Variants in SUFU observed in about 807,000 individuals in gnomAD.
SUFU encodes the protein suppressor of fused homolog.
Under a neutral mutation model 58.9 loss-of-function variants are expected in SUFU, and 7 were observed. The observed-to-expected ratio is 0.12, with a 90% CI of 0.07 to 0.22. The LOEUF is 0.22. SUFU is among the 10% of genes least tolerant of loss of function. The pLI is 1.00. For synonymous variants in SUFU, 232 were observed against 254.8 expected, an observed-to-expected ratio of 0.91 and a Z score of 0.85; for missense variants, 451 against 641.3, an observed-to-expected ratio of 0.70 and a Z score of 3.20.
intron 3 of SUFU, among the ~76,000 whole-genome samples, chr10:102,568,142 G>A (rs2063111909): frequency 6.6e-6 from 1 of 151,132 alleles, no homozygotes; most frequent in African/African-American, 2.4e-5. Context: ...AAAAAATCCA[G>A]GCAACACTGA....
chr10:102,608,426 A>G (rs2063585539), intron 8 of SUFU, among the ~76,000 whole-genome samples: 1 of 152,226 alleles, frequency 6.6e-6, no homozygotes, highest in Admixed American at 6.5e-5. Context: ...AGAAAGGATG[A>G]TGTGTGCCAG....
chr10:102,576,084 G>A (rs1229786030), intron 3 of SUFU, among the ~76,000 whole-genome samples: 1 of 151,192 alleles, frequency 6.6e-6, no homozygotes, highest in Non-Finnish European at 1.5e-5. Context: ...GGACTGAAGT[G>A]ATCCACCCAC....
intron 7 of SUFU, 22 bp downstream of exon 7, chr10:102,597,315 T>C (rs2063473800): frequency 6.2e-7 from 1 of 1,607,674 alleles, no homozygotes; most frequent in East Asian, 2.2e-5. Flanking sequence ...CACTCAGCAT[T>C]CCACCAGCCT....
intron 3 of SUFU, among the ~76,000 whole-genome samples, chr10:102,568,945 T>TATATATATAC (rs1590039352): frequency 2.7e-5 from 2 of 74,662 alleles, no homozygotes; most frequent in South Asian, 6.0e-4. Context: ...TATATATATA[T>TATATATATAC]ATATATATAT....
intron 3 of SUFU, among the ~76,000 whole-genome samples, chr10:102,560,346 G>A (rs565155189): frequency 2.6e-4 from 39 of 152,164 alleles, no homozygotes; most frequent in African/African-American, 8.4e-4. Flanking sequence ...GAGATGGGTG[G>A]ATCACTTGAG....
chr10:102,528,398 C>T (rs1364937355), intron 2 of SUFU, among the ~76,000 whole-genome samples: 3 of 151,768 alleles, frequency 2.0e-5, no homozygotes, highest in Admixed American at 1.3e-4. Context: ...AGTGAGGCCT[C>T]ATTTCTACAA....
Position 102,627,620 on chromosome 10 carries a change from A to T in SUFU, c.1365+377A>T, listed in dbSNP as rs565953913. Among the ~76,000 whole-genome samples the T allele has an allele frequency of 1.2e-4, 19 of 152,308 alleles. No individual in the cohort carries two copies. The East Asian group carries it at 3.7e-3, about 29-fold the overall frequency. ...CTGGCAGATTCTGAACAGAACGCCC[A>T]TGTCTGTTGCCAGAGAACATTCCGC... On this transcript the variant is annotated intron_variant, in intron 11 of 11. Coordinates refer to ENST00000369902, the MANE Select transcript of SUFU (RefSeq NM_016169.4).
At chr10:102,603,149 G>A (rs1169300935) in intron 8 of SUFU, among the ~76,000 whole-genome samples, 1 of 152,088 alleles carries the variant, frequency 6.6e-6, no homozygotes, top group Non-Finnish European at 1.5e-5. Context: ...ATTGTGTGTA[G>A]AGGTTTTCTT....
At position 102,628,199 on chromosome 10, in the gene SUFU, C is replaced by A. The variant is rs7096302; in HGVS notation, c.1365+956C>A. On this transcript the variant is annotated intron_variant, in intron 11 of 11. Coordinates refer to ENST00000369902, the MANE Select transcript of SUFU (RefSeq NM_016169.4). This position sits in a 1 kb window ranked among gnomAD's most constrained non-coding sequence, Gnocchi z 4.5. ...CAGCCAGGGCTGGAGCTTCCAGCTTCCAGGGCTCCCTGGGCTGCAACAGCC... is the reference window on the plus strand; with the variant it reads ...CAGCCAGGGCTGGAGCTTCCAGCTTACAGGGCTCCCTGGGCTGCAACAGCC... Among the ~76,000 whole-genome samples, 6,362 of 152,230 alleles carry A rather than the reference C, an allele frequency of 0.042. 447 individuals carry two copies. The highest frequency in any genetic ancestry group is 0.15 in the African/African-American group (6,060 of 41,500).
Position 102,633,156 on chromosome 10 carries a change from G to A in SUFU, c.*3001G>A, listed in dbSNP as rs1461309372. 1 of 233,466 alleles carries A rather than the reference G, an allele frequency of 4.3e-6. No individual in the cohort carries two copies. Among genetic ancestry groups the A allele is most frequent in the Non-Finnish European group, 8.5e-6 (1 of 118,042 alleles). The allele number at this position is 233,466 out of a possible 1,614,324, so 14.5% of individuals were successfully genotyped here. On this transcript the variant is annotated 3_prime_UTR_variant, in exon 12 of 12. Coordinates refer to ENST00000369902, the MANE Select transcript of SUFU (RefSeq NM_016169.4). The stretch of plus-strand genomic sequence containing the variant: ...AGAATTTCCTTTACTGTATTTTTGT[G>A]TCTGGTCTTCCCTTTCTGGCTTCTA...
chr10:102,549,645 C>T (rs2062890923), intron 2 of SUFU, among the ~76,000 whole-genome samples: 1 of 152,218 alleles, frequency 6.6e-6, no homozygotes, highest in South Asian at 2.1e-4. Context: ...GGGAGATTTT[C>T]AGCAGTGTTG....
chr10:102,582,913 G>A (rs1203270498), intron 3 of SUFU, among the ~76,000 whole-genome samples: 1 of 152,148 alleles, frequency 6.6e-6, no homozygotes, highest in African/African-American at 2.4e-5. Context: ...GAGGTCTCTG[G>A]GATTTTCACC....
At position 102,531,124 on chromosome 10, in the gene SUFU, G is replaced by A. The variant is rs1250722137; in HGVS notation, c.318-18846G>A. Among the ~76,000 whole-genome samples, 3 of 149,762 alleles carry A rather than the reference G, an allele frequency of 2.0e-5. No individual in the cohort carries two copies. The South Asian group carries it at 6.3e-4, about 32-fold the overall frequency. Reference sequence around the variant, plus strand: ...AAAAAATGTAATCAGGTGTAGTGGTGCACACATGTAGTCCCAGCTACTCAG... The same window carrying A: ...AAAAAATGTAATCAGGTGTAGTGGTACACACATGTAGTCCCAGCTACTCAG... On this transcript the variant is annotated intron_variant, in intron 2 of 11. Transcript: ENST00000369902.
intron 3 of SUFU, among the ~76,000 whole-genome samples, chr10:102,568,927 T>TACAC (rs2063129046): frequency 3.1e-5 from 1 of 32,176 alleles, no homozygotes; most frequent in African/African-American, 1.2e-4. Flanking sequence ...TATACACATA[T>TACAC]ATATATATAT....
intron 2 of SUFU, among the ~76,000 whole-genome samples, chr10:102,523,306 G>A (rs2062572376): frequency 6.6e-6 from 1 of 152,192 alleles, no homozygotes; most frequent in South Asian, 2.1e-4. Context: ...TAACCCTCAT[G>A]TGATACCTGG....
intron 10 of SUFU, among the ~76,000 whole-genome samples, chr10:102,621,268 G>T (rs141317669): frequency 6.6e-6 from 1 of 152,308 alleles, no homozygotes; most frequent in African/African-American, 2.4e-5. Flanking sequence ...CCTTTGCTTG[G>T]ACTGCCCCGA....
intron 2 of SUFU, among the ~76,000 whole-genome samples, chr10:102,511,228 T>C (rs2135628248): frequency 6.6e-6 from 1 of 152,160 alleles, no homozygotes; most frequent in South Asian, 2.1e-4. Flanking sequence ...AATTTAAATG[T>C]AATCTTTCTA....
At position 102,628,840 on chromosome 10, in the gene SUFU, T is replaced by A. The variant is rs2063810849; in HGVS notation, c.1366-1226T>A. ...CTCTCCTTTCCACCCTGCCCTGACT[T>A]CCGGCCTAGCCAAATTAGAAAAGAC... is the stretch of plus-strand genomic sequence containing the variant. On this transcript the variant is annotated intron_variant, in intron 11 of 11. Transcript: ENST00000369902. This position sits in a 1 kb window ranked among gnomAD's most constrained non-coding sequence, Gnocchi z 4.5. Among the ~76,000 whole-genome samples the A allele has an allele frequency of 6.6e-6, 1 of 151,894 alleles. No homozygotes were observed. The highest frequency in any genetic ancestry group is 1.5e-5 in the Non-Finnish European group (1 of 67,984).
chr10:102,562,827 G>T (rs1275712716), intron 3 of SUFU, among the ~76,000 whole-genome samples: 2 of 152,178 alleles, frequency 1.3e-5, no homozygotes, highest in Non-Finnish European at 2.9e-5. Context: ...GGAGGCGGAG[G>T]TTGCAGTGAG....
Sources: gnomAD v4.1 joint callset for allele counts (sites outside exome capture counted in the v4.1 genomes callset) on GRCh38, gnomAD v4.1.1 for gene constraint, Gnocchi (gnomAD v3.1) non-coding constraint, MANE v1.5 for transcripts, NCBI Gene and HGNC (gene_info 2026-07-23, HGNC 2026-07-21) for gene names.